RAD51B: variants seen among roughly 807,000 people sequenced by gnomAD.
RAD51B encodes DNA repair protein RAD51 homolog 2.
Under a neutral mutation model 42.2 loss-of-function variants are expected in RAD51B, and 38 were observed. That is an observed-to-expected ratio of 0.90 (90% CI 0.70 to 1.18). The LOEUF is 1.18. Among genes scored for constraint, RAD51B ranks in the 50% most tolerant of loss-of-function variants. RAD51B has a pLI of 0.00. For missense variants in RAD51B, 373 were observed against 400.7 expected, an observed-to-expected ratio of 0.93 and a Z score of 0.59; for synonymous variants, 154 against 145.2, an observed-to-expected ratio of 1.06 and a Z score of -0.43.
chr14:67,948,855 C>T (rs1465331320), intron 7 of RAD51B, among the ~76,000 whole-genome samples: 2 of 134,452 alleles, frequency 1.5e-5, no homozygotes, highest in African/African-American at 5.7e-5. Flanking sequence ...TGGTGTGAAC[C>T]TGGGAGGCGG....
intron 10 of RAD51B, among the ~76,000 whole-genome samples, chr14:68,506,623 G>T (rs57226339): frequency 2.0e-5 from 3 of 152,212 alleles, no homozygotes; most frequent in Admixed American, 6.5e-5. Context: ...CTGAGTGGGC[G>T]CAAAGTTCTG....
At chr14:67,906,729 T>G (rs1170156930) in intron 7 of RAD51B, among the ~76,000 whole-genome samples, 1 of 152,062 alleles carries the variant, frequency 6.6e-6, no homozygotes, top group Admixed American at 6.6e-5. Context: ...TCTGTGGGGT[T>G]GCTGGTAATG....
intron 7 of RAD51B, among the ~76,000 whole-genome samples, chr14:68,044,952 A>T (rs2076275020): frequency 6.6e-6 from 1 of 152,102 alleles, no homozygotes; most frequent in Non-Finnish European, 1.5e-5. Flanking sequence ...GAAAATTGAA[A>T]TGACTGGCCA....
intron 8 of RAD51B, among the ~76,000 whole-genome samples, chr14:68,292,202 G>T (rs2081531290): frequency 6.6e-6 from 1 of 152,214 alleles, no homozygotes; most frequent in Admixed American, 6.5e-5. Flanking sequence ...TTGGAGGCCA[G>T]TCACTCCTCT....
chr14:68,648,180 T>C (rs1378204230), intron 10 of RAD51B, among the ~76,000 whole-genome samples: 1 of 143,198 alleles, frequency 7.0e-6, no homozygotes, highest in African/African-American at 2.5e-5. Context: ...CACACGTATA[T>C]ATATATGAAA....
At position 68,234,269 on chromosome 14, in the gene RAD51B, T is replaced by C. The variant is rs141078747; in HGVS notation, c.757-57615T>C. 4.0e-3 allele frequency among the ~76,000 whole-genome samples: 609 copies of C among 152,258 alleles called. 6 individuals are homozygous for C. Among genetic ancestry groups the C allele is most frequent in the African/African-American group, 0.014 (584 of 41,540 alleles). On this transcript the variant is annotated intron_variant, in intron 7 of 10. Coordinates refer to ENST00000471583, the MANE Select transcript of RAD51B (RefSeq NM_133510.4). ...AAAGCAGCCTTGGGGAATGATGAGG[T>C]CATTTTGTAACATGTTGAGTTTAAA...
intron 7 of RAD51B, chr14:68,130,079 TC>T (rs2077854360): frequency 6.6e-6 from 1 of 152,246 alleles, no homozygotes; most frequent in Non-Finnish European, 1.5e-5. Context: ...GAGCTCATAG[TC>T]CTCTTCCAAG....
intron 9 of RAD51B, among the ~76,000 whole-genome samples, chr14:68,441,840 A>G (rs956414003): frequency 5.9e-5 from 9 of 152,196 alleles, no homozygotes; most frequent in Non-Finnish European, 8.8e-5. Flanking sequence ...TATTTTATAC[A>G]GTGGGAAAAG....
At chr14:68,356,895 A>G (rs1341593167) in intron 8 of RAD51B, among the ~76,000 whole-genome samples, 1 of 145,802 alleles carries the variant, frequency 6.9e-6, no homozygotes, top group Non-Finnish European at 1.5e-5. Flanking sequence ...AGGCAGGAGA[A>G]TGGCATGAAC....
chr14:67,972,288 A>G (rs2140252592), intron 7 of RAD51B, among the ~76,000 whole-genome samples: 1 of 152,164 alleles, frequency 6.6e-6, no homozygotes, highest in East Asian at 1.9e-4. Flanking sequence ...ATGATTTCTA[A>G]AAAGCCATTT....
At position 68,347,810 on chromosome 14, in the gene RAD51B, A is replaced by G. The variant is rs185704715; in HGVS notation, c.853+55830A>G. On this transcript the variant is annotated intron_variant, in intron 8 of 10. Transcript: ENST00000471583. ...GATCTTTATTAAAACACCCATACAC[A>G]GTAAGATTGCTTGGGAATCCAAGGC... Among the ~76,000 whole-genome samples the G allele has an allele frequency of 1.4e-4, 21 of 152,362 alleles. No homozygotes were observed. In the East Asian group the frequency reaches 3.7e-3, roughly 27 times the overall value.
chr14:68,249,139 T>A (rs1212137460), intron 7 of RAD51B, among the ~76,000 whole-genome samples: 1 of 152,202 alleles, frequency 6.6e-6, no homozygotes, highest in East Asian at 1.9e-4. Flanking sequence ...TGCCGTGCAG[T>A]CGGTGGGTCA....
At chr14:68,517,971 T>C (rs951937969) in intron 10 of RAD51B, among the ~76,000 whole-genome samples, 2 of 152,148 alleles carry the variant, frequency 1.3e-5, no homozygotes, top group Non-Finnish European at 2.9e-5. Context: ...TAGTGAGCCC[T>C]GAAAGCTCAG....
intron 8 of RAD51B, among the ~76,000 whole-genome samples, chr14:68,295,193 G>T (rs989254308): frequency 6.6e-6 from 1 of 152,206 alleles, no homozygotes; most frequent in Non-Finnish European, 1.5e-5. Flanking sequence ...GGCCCTTGGG[G>T]TGTACTTCTC....
chr14:68,397,940 T>A (rs1457195961), intron 8 of RAD51B, among the ~76,000 whole-genome samples: 2 of 152,190 alleles, frequency 1.3e-5, no homozygotes, highest in East Asian at 3.8e-4. Flanking sequence ...AGCAAACATA[T>A]GTGAGGCCAG....
chr14:68,505,587 G>A (rs1885256584), intron 10 of RAD51B, among the ~76,000 whole-genome samples: 1 of 128,414 alleles, frequency 7.8e-6, no homozygotes, highest in Non-Finnish European at 1.5e-5. Context: ...GTCTCGCTCC[G>A]TTGCCCAGGC....
intron 7 of RAD51B, chr14:68,114,076 G>C (rs2077501961): frequency 6.6e-6 from 1 of 152,066 alleles, no homozygotes; most frequent in Admixed American, 6.6e-5. Context: ...CTTTTGGTGA[G>C]AGTTTTCCAC....
intron 10 of RAD51B, among the ~76,000 whole-genome samples, chr14:68,496,337 A>ATATTC (rs374078129): frequency 3.2e-4 from 49 of 152,322 alleles, no homozygotes; most frequent in African/African-American, 8.9e-4. Context: ...TCTTGTAGCC[A>ATATTC]TATTCCCTCC....
chr14:67,842,244 C>G (rs1039551153), intron 4 of RAD51B, among the ~76,000 whole-genome samples: 4 of 152,108 alleles, frequency 2.6e-5, no homozygotes, highest in Non-Finnish European at 5.9e-5. Flanking sequence ...GATTTTGTAG[C>G]CTTCAACTTT....
Sources: allele counts gnomAD v4.1 joint callset (sites outside exome capture counted in the v4.1 genomes callset), GRCh38; gene constraint gnomAD v4.1.1; transcripts MANE v1.5; gene names NCBI Gene and HGNC (gene_info 2026-07-23, HGNC 2026-07-21).